Variants in TRPA1 observed in about 807,000 individuals in gnomAD.
The protein encoded by TRPA1 is ankyrin-like with transmembrane domains 1.
TRPA1 carries 129 observed loss-of-function variants against 131.3 expected under a neutral mutation model. The ratio of observed to expected loss-of-function variants is 0.98; its 90% confidence interval spans 0.85 to 1.14. The LOEUF is 1.14. TRPA1 is among the 50% of genes most tolerant of loss of function. TRPA1 has a pLI of 0.00. For missense variants in TRPA1, 1,304 were observed against 1,354.2 expected, an observed-to-expected ratio of 0.96 and a Z score of 0.58; for synonymous variants, 441 against 451.7, an observed-to-expected ratio of 0.98 and a Z score of 0.30.
chr8:72,062,681 G>A (rs1805834994), intron 6 of TRPA1, 118 bp downstream of exon 6: 2 of 1,077,080 alleles, frequency 1.9e-6, no homozygotes, highest in East Asian at 2.5e-5. Context: ...GAAGCAGAAG[G>A]AAATATGTAT....
At chr8:72,028,439 C>T (rs1283623382) in intron 24 of TRPA1, among the ~76,000 whole-genome samples, 4 of 152,220 alleles carry the variant, frequency 2.6e-5, no homozygotes, top group Non-Finnish European at 5.9e-5. Context: ...CTTGCTGGCC[C>T]CTCCTTTCAC....
chr8:72,086,889 C>A, the TRPA1 span, among the ~76,000 whole-genome samples: 1 of 152,062 alleles, frequency 6.6e-6, no homozygotes, highest in African/African-American at 2.4e-5. Flanking sequence ...CTTTTCATGG[C>A]AAGTGGTAGA....
the TRPA1 span, among the ~76,000 whole-genome samples, chr8:72,089,739 A>G: frequency 6.6e-6 from 1 of 152,136 alleles, no homozygotes; most frequent in Non-Finnish European, 1.5e-5. Context: ...CATGGTGGTA[A>G]CTATGTCAGA....
At position 72,022,320 on chromosome 8, in the gene TRPA1, C is replaced by T. The variant is rs1737692873; in HGVS notation, c.*586G>A. 6.0e-6 allele frequency: 1 copy of T among 165,876 alleles called. No homozygotes were observed. 10.3% of individuals were successfully genotyped at this position (165,876 alleles called of 1,614,324 possible). ...ATTAATTTGTACTTCAACTATATGG[C>T]TCAAAGTGACATCAGGTGTGTTGGG... On this transcript the variant is annotated 3_prime_UTR_variant, in exon 27 of 27. Transcript: ENST00000262209.
intron 9 of TRPA1, among the ~76,000 whole-genome samples, 198 bp from the exon 10 acceptor site, chr8:72,057,215 AT>A (rs1227797588): frequency 6.6e-6 from 1 of 152,050 alleles, no homozygotes; most frequent in Non-Finnish European, 1.5e-5. Flanking sequence ...GTGTGTCTGT[AT>A]GTGTAAGTGG....
upstream of TRPA1, among the ~76,000 whole-genome samples, chr8:72,078,791 G>A (rs1011202689): frequency 3.9e-5 from 6 of 152,018 alleles, no homozygotes; most frequent in Non-Finnish European, 7.4e-5. Flanking sequence ...GATTTGCTGA[G>A]TAATGTGATA....
At chr8:72,025,869 G>T in intron 25 of TRPA1, 91 bp downstream of exon 25, 1 of 1,085,346 alleles carries the variant, frequency 9.2e-7, no homozygotes, top group South Asian at 1.3e-5. Flanking sequence ...AAGACTCAAA[G>T]TCTATAAAAG....
At chr8:72,087,598 A>C in the TRPA1 span, among the ~76,000 whole-genome samples, 1 of 148,528 alleles carries the variant, frequency 6.7e-6, no homozygotes, top group African/African-American at 2.5e-5. Flanking sequence ...CTTTCAGCCC[A>C]CTGTTTTGTT....
At chr8:72,037,151 A>G (rs1245909600) in intron 20 of TRPA1, among the ~76,000 whole-genome samples, 1 of 152,148 alleles carries the variant, frequency 6.6e-6, no homozygotes, top group Non-Finnish European at 1.5e-5. Context: ...AATTGTGACA[A>G]ATTTCTTAAT....
At chr8:72,061,798 T>G in intron 6 of TRPA1, 37 bp from the exon 7 acceptor site, 1 of 1,609,792 alleles carries the variant, frequency 6.2e-7, no homozygotes, top group African/African-American at 1.3e-5. Flanking sequence ...AATGTTTAAA[T>G]CTCAATGAAA....
chr8:72,024,907 T>C (rs2129432426), intron 25 of TRPA1, among the ~76,000 whole-genome samples: 1 of 152,240 alleles, frequency 6.6e-6, no homozygotes, highest in South Asian at 2.1e-4. Flanking sequence ...ATTTTATGAC[T>C]ACACAGGGGA....
At chr8:72,061,509 T>C in intron 7 of TRPA1, 116 bp downstream of exon 7, 2 of 1,269,440 alleles carry the variant, frequency 1.6e-6, no homozygotes, top group East Asian at 2.3e-5. Flanking sequence ...ATCTTTGCCC[T>C]TTTCCTTTGA....
intron 12 of TRPA1, chr8:72,054,526 CTATT>C (rs1359959727): frequency 6.5e-6 from 1 of 152,928 alleles, no homozygotes; most frequent in Non-Finnish European, 1.5e-5. Flanking sequence ...ATTCTTGACA[CTATT>C]TAATTTCAGT....
intron 7 of TRPA1, 31 bp from the exon 8 acceptor site, chr8:72,059,469 TAAAG>T: frequency 7.4e-7 from 1 of 1,346,458 alleles, no homozygotes; most frequent in Non-Finnish European, 1.1e-6. Context: ...ACATTATAAT[TAAAG>T]TACTATTGAT....
chr8:72,062,391 G>A lies in TRPA1; in HGVS notation c.807+408C>T, dbSNP rs73687861. The stretch of plus-strand genomic sequence containing the variant: ...GTCAGATCCCAAACACAGTCAACAC[G>A]TTCACATACATATTCTTAGAAATTA... On this transcript the variant is annotated intron_variant, in intron 6 of 26. Coordinates refer to ENST00000262209, the MANE Select transcript of TRPA1 (RefSeq NM_007332.3). The A allele has an allele frequency of 3.5e-3, 708 of 201,792 alleles. 7 individuals are homozygous for A. The highest frequency in any genetic ancestry group is 0.015 in the African/African-American group (650 of 42,230). 12.5% of individuals were successfully genotyped at this position (201,792 alleles called of 1,614,324 possible). A position where few individuals can be genotyped will look rare whatever the true frequency, so the allele number is the denominator to read the frequency against.
intron 21 of TRPA1, among the ~76,000 whole-genome samples, chr8:72,034,965 T>C (rs1308436611): frequency 2.0e-5 from 3 of 152,196 alleles, no homozygotes; most frequent in South Asian, 4.1e-4. Flanking sequence ...ATAAAGAAAT[T>C]AGAGAGATAA....
chr8:72,077,300 G>C (rs903088534), upstream of TRPA1, among the ~76,000 whole-genome samples: 1 of 131,674 alleles, frequency 7.6e-6, no homozygotes, highest in South Asian at 2.7e-4. Flanking sequence ...TGGGGGGGGG[G>C]GCAGCGTGGG....
At chr8:72,030,641 A>G (rs1811781969) in intron 23 of TRPA1, among the ~76,000 whole-genome samples, 1 of 152,250 alleles carries the variant, frequency 6.6e-6, no homozygotes, top group Non-Finnish European at 1.5e-5. Flanking sequence ...ATGATGTGAT[A>G]TCACATGCAA....
intron 23 of TRPA1, among the ~76,000 whole-genome samples, chr8:72,032,580 T>G (rs1397157297): frequency 6.6e-6 from 1 of 152,228 alleles, no homozygotes; most frequent in African/African-American, 2.4e-5. Flanking sequence ...CAGGTAGAGA[T>G]GCACAGCGGG....
Sources: allele counts gnomAD v4.1 joint callset (sites outside exome capture counted in the v4.1 genomes callset), GRCh38; gene constraint gnomAD v4.1.1; transcripts MANE v1.5; gene names NCBI Gene and HGNC (gene_info 2026-07-23, HGNC 2026-07-21).